The following NHS variants were observed in gnomAD, a reference collection of about 807,000 sequenced individuals.
The protein encoded by NHS is NHS actin remodeling regulator.
Under a neutral mutation model 72.5 loss-of-function variants are expected in NHS, and 5 were observed. The ratio of observed to expected loss-of-function variants is 0.07; its 90% confidence interval spans 0.04 to 0.14. The LOEUF (loss-of-function observed/expected upper bound fraction) is 0.14, where lower values mean the gene tolerates loss of function less well. NHS is among the 10% of genes least tolerant of loss of function. NHS has a pLI of 1.00. For synonymous variants in NHS, 464 were observed against 547.7 expected, an observed-to-expected ratio of 0.85 and a Z score of 2.13; for missense variants, 1,072 against 1,355.7, an observed-to-expected ratio of 0.79 and a Z score of 3.29.
intron 1 of NHS, among the ~76,000 whole-genome samples, chrX:17,668,742 C>G (rs1206499428): frequency 9.0e-6 from 1 of 111,141 alleles, no homozygotes; most frequent in African/African-American, 3.3e-5. Context: ...AGTAACACAG[C>G]AGGGGAGTGG....
At chrX:17,418,461 G>A (rs887899009) in intron 1 of NHS, among the ~76,000 whole-genome samples, 2 of 111,703 alleles carry the variant, frequency 1.8e-5, no homozygotes, top group Admixed American at 9.6e-5. Context: ...GGCCTACCTG[G>A]AGAATGTCCC....
intron 1 of NHS, among the ~76,000 whole-genome samples, chrX:17,564,266 C>G (rs763490991): frequency 4.9e-4 from 55 of 111,665 alleles, no homozygotes; most frequent in Non-Finnish European, 6.0e-4. Context: ...CCAGGTAATT[C>G]TTTGTTATTG....
chrX:17,630,018 C>T (rs1006931588), intron 1 of NHS, among the ~76,000 whole-genome samples: 3 of 107,738 alleles, frequency 2.8e-5, no homozygotes, highest in South Asian at 4.2e-4. Flanking sequence ...GGGCACAAAT[C>T]GCCAGGTGGC....
At chrX:17,431,777 G>A (rs998685241) in intron 1 of NHS, among the ~76,000 whole-genome samples, 2 of 112,157 alleles carry the variant, frequency 1.8e-5, no homozygotes, top group African/African-American at 3.2e-5. Flanking sequence ...GGGTCTTAGT[G>A]CAATTTCACT....
intron 1 of NHS, among the ~76,000 whole-genome samples, chrX:17,503,078 G>A (rs1185872962): frequency 9.0e-6 from 1 of 111,599 alleles, no homozygotes; most frequent in African/African-American, 3.3e-5. Flanking sequence ...GAACCTTAAG[G>A]CTGGCAAAGA....
chrX:17,700,599 C>T (rs1468541221), intron 3 of NHS, among the ~76,000 whole-genome samples: 1 of 112,025 alleles, frequency 8.9e-6, no homozygotes, highest in Non-Finnish European at 1.9e-5. Flanking sequence ...GAAATTCAAA[C>T]GTGGTCCAAC....
intron 1 of NHS, among the ~76,000 whole-genome samples, chrX:17,457,206 A>G (rs1488157155): frequency 8.9e-6 from 1 of 112,187 alleles, no homozygotes; most frequent in Non-Finnish European, 1.9e-5. Flanking sequence ...GAAACAGAAG[A>G]ACAGAGAGGT....
intron 1 of NHS, among the ~76,000 whole-genome samples, chrX:17,391,457 C>T (rs2064445161): frequency 8.9e-6 from 1 of 111,998 alleles, no homozygotes. Flanking sequence ...ACACAGTATA[C>T]ATACTATGGG....
intron 1 of NHS, among the ~76,000 whole-genome samples, chrX:17,612,310 G>A (rs769394163): frequency 1.3e-4 from 14 of 109,529 alleles, no homozygotes; most frequent in Non-Finnish European, 2.5e-4. Context: ...GTTTGAAACT[G>A]CTAATCTTCT....
chrX:17,679,075 T>C (rs1449176530), intron 1 of NHS, among the ~76,000 whole-genome samples: 3 of 110,967 alleles, frequency 2.7e-5, no homozygotes, highest in African/African-American at 9.8e-5. Context: ...TTCTAAAATA[T>C]CATCAGGCCC....
intron 1 of NHS, among the ~76,000 whole-genome samples, chrX:17,382,780 T>C (rs1012493732): frequency 8.0e-5 from 9 of 112,253 alleles, no homozygotes; most frequent in Non-Finnish European, 7.5e-5. Context: ...GTAGACATTG[T>C]TGGTGCCCTG....
intron 1 of NHS, among the ~76,000 whole-genome samples, chrX:17,622,201 C>T (rs751381955): frequency 2.4e-4 from 27 of 112,142 alleles, no homozygotes; most frequent in Admixed American, 1.0e-3. Context: ...CCACAGGCTT[C>T]ATTCAACCCC....
intron 1 of NHS, among the ~76,000 whole-genome samples, chrX:17,383,350 A>C (rs911261666): frequency 8.9e-6 from 1 of 111,893 alleles, no homozygotes; most frequent in African/African-American, 3.3e-5. Context: ...CAGGATTATT[A>C]TATTAGCCAC....
At chrX:17,498,265 T>A (rs2065022060) in intron 1 of NHS, among the ~76,000 whole-genome samples, 1 of 111,964 alleles carries the variant, frequency 8.9e-6, no homozygotes, top group Non-Finnish European at 1.9e-5. Context: ...CCTGTGCCTG[T>A]GGCATTATCT....
chrX:17,599,319 G>A (rs1270512182), intron 1 of NHS, among the ~76,000 whole-genome samples: 1 of 111,594 alleles, frequency 9.0e-6, no homozygotes, highest in Non-Finnish European at 1.9e-5. Context: ...CCAGAGTGGG[G>A]GCACCAATTC....
intron 1 of NHS, among the ~76,000 whole-genome samples, chrX:17,401,221 A>G (rs773303716): frequency 8.9e-6 from 1 of 112,204 alleles, no homozygotes; most frequent in Non-Finnish European, 1.9e-5. Context: ...CCCTCCTTAT[A>G]TCATCACAAC....
intron 1 of NHS, among the ~76,000 whole-genome samples, chrX:17,379,333 G>C (rs1233249722): frequency 6.3e-5 from 7 of 110,548 alleles, no homozygotes; most frequent in Admixed American, 5.8e-4. Flanking sequence ...GGTAGCTGTA[G>C]AGACGGTGAG....
intron 1 of NHS, among the ~76,000 whole-genome samples, chrX:17,428,562 G>T (rs2064669011): frequency 9.0e-6 from 1 of 111,624 alleles, no homozygotes; most frequent in Admixed American, 9.5e-5. Context: ...AAAGGAGGAG[G>T]AAGGCAGCTG....
At chrX:17,694,036 C>T (rs1050952028) in intron 3 of NHS, among the ~76,000 whole-genome samples, 1 of 112,147 alleles carries the variant, frequency 8.9e-6, no homozygotes, top group African/African-American at 3.2e-5. Flanking sequence ...ACAGAAATTA[C>T]ATAAAAATAT....
Sources: allele counts gnomAD v4.1 joint callset (sites outside exome capture counted in the v4.1 genomes callset), GRCh38; gene constraint gnomAD v4.1.1; transcripts MANE v1.5; gene names NCBI Gene and HGNC (gene_info 2026-07-23, HGNC 2026-07-21).